ANGPT1: variants seen among roughly 807,000 people sequenced by gnomAD.
ANGPT1 encodes the protein angiopoietin-1.
A neutral mutation model predicts 62.2 loss-of-function variants in ANGPT1; 17 were observed. The observed-to-expected ratio is 0.27, with a 90% CI of 0.19 to 0.41. ANGPT1 has a LOEUF of 0.41. Among genes scored for constraint, ANGPT1 ranks in the 10% least tolerant of loss-of-function variants. The pLI, the probability that ANGPT1 is intolerant of heterozygous loss-of-function variation, is 1.00. For synonymous variants in ANGPT1, 199 were observed against 198.9 expected, an observed-to-expected ratio of 1.00 and a Z score of 0.00; for missense variants, 478 against 594.9, an observed-to-expected ratio of 0.80 and a Z score of 2.04.
intron 1 of ANGPT1, among the ~76,000 whole-genome samples, chr8:107,453,037 C>T (rs1811819194): frequency 6.6e-6 from 1 of 151,976 alleles, no homozygotes; most frequent in South Asian, 2.1e-4. Context: ...AGGTTAAATG[C>T]TTAATGAACT....
intron 3 of ANGPT1, among the ~76,000 whole-genome samples, chr8:107,323,409 T>G (rs1390606436): frequency 6.6e-6 from 1 of 152,160 alleles, no homozygotes; most frequent in African/African-American, 2.4e-5. Flanking sequence ...GAATCATTCC[T>G]TTCAAAAAGG....
chr8:107,314,959 T>C (rs1814979718), intron 4 of ANGPT1, among the ~76,000 whole-genome samples: 1 of 152,174 alleles, frequency 6.6e-6, no homozygotes, highest in African/African-American at 2.4e-5. Flanking sequence ...CAGAATGATA[T>C]AAACTTCATA....
intron 1 of ANGPT1, among the ~76,000 whole-genome samples, chr8:107,360,898 T>C (rs764812408): frequency 2.0e-5 from 3 of 152,226 alleles, no homozygotes; most frequent in Non-Finnish European, 1.5e-5. Flanking sequence ...AAGCCCAGCA[T>C]AAATAAGAAA....
chr8:107,443,646 TAA>T (rs548442338), intron 1 of ANGPT1, among the ~76,000 whole-genome samples: 10 of 135,506 alleles, frequency 7.4e-5, no homozygotes, highest in Admixed American at 1.5e-4. Context: ...CCGTCTCTAC[TAA>T]AAAAAAAAAA....
In ANGPT1 at chr8:107,257,876, G is replaced by GTTTTTTTTTTTT. The variant is rs1371396961; in HGVS notation, c.1337-5862_1337-5861insAAAAAAAAAAAA. 1.3e-3 allele frequency among the ~76,000 whole-genome samples: 109 copies of GTTTTTTTTTTTT among 85,148 alleles called. 11 individuals carry two copies. The highest frequency in any genetic ancestry group is 1.8e-3 in the Non-Finnish European group (76 of 43,056). The allele number at this position is 85,148 out of a possible 152,430, so 55.9% of individuals were successfully genotyped here. ...CTCTTCAGGCCAAGGACTTGTTTTTGTTTCTTTTTTGTTTGTTTGTTTGTT... is the reference window on the plus strand; with the variant it reads ...CTCTTCAGGCCAAGGACTTGTTTTTGTTTTTTTTTTTTTTTCTTTTTTGTTTGTTTGTTTGTT... On this transcript the variant is annotated intron_variant, in intron 8 of 8. Coordinates refer to ENST00000517746, the MANE Select transcript of ANGPT1 (RefSeq NM_001146.5).
chr8:107,289,945 T>G (rs1421327288), intron 6 of ANGPT1, among the ~76,000 whole-genome samples: 1 of 152,118 alleles, frequency 6.6e-6, no homozygotes, highest in African/African-American at 2.4e-5. Flanking sequence ...TCCTTATGAC[T>G]TGAAGGAGCT....
rs569412727 is a variant in ANGPT1, at chr8:107,450,190, G to A, written c.297+47072C>T. 2.0e-5 allele frequency among the ~76,000 whole-genome samples: 3 copies of A among 152,092 alleles called. No homozygotes were observed. The East Asian group carries it at 5.8e-4, about 29-fold the overall frequency. ...GGGACATACGGTATTGTTGGAAAAG[G>A]CTTGAGTTTTTAAAAAGTAATTTTA... On this transcript the variant is annotated intron_variant, in intron 1 of 8. Transcript: ENST00000517746.
intron 1 of ANGPT1, among the ~76,000 whole-genome samples, chr8:107,429,858 G>A (rs760205442): frequency 2.5e-4 from 32 of 127,606 alleles, no homozygotes; most frequent in South Asian, 7.7e-4. Context: ...CACTCTGACA[G>A]AATGATGGTT....
intron 1 of ANGPT1, among the ~76,000 whole-genome samples, chr8:107,485,817 A>G (rs945250262): frequency 1.3e-5 from 2 of 152,234 alleles, no homozygotes; most frequent in African/African-American, 4.8e-5. Flanking sequence ...TGAATGGAAG[A>G]TATTTAGAAT....
chr8:107,410,667 A>G (rs909979526), intron 1 of ANGPT1, among the ~76,000 whole-genome samples: 2 of 152,208 alleles, frequency 1.3e-5, no homozygotes, highest in African/African-American at 4.8e-5. Context: ...ATATAAAAGT[A>G]ACTTTCAGAT....
intron 8 of ANGPT1, among the ~76,000 whole-genome samples, chr8:107,255,018 T>C (rs1813326104): frequency 6.6e-6 from 1 of 151,838 alleles, no homozygotes; most frequent in Admixed American, 6.6e-5. Flanking sequence ...CTAGAATCAA[T>C]TCTGCAAATA....
intron 7 of ANGPT1, among the ~76,000 whole-genome samples, chr8:107,278,698 T>C (rs886622428): frequency 1.3e-5 from 2 of 152,306 alleles, no homozygotes; most frequent in Middle Eastern, 3.4e-3. Flanking sequence ...TTCTACATTG[T>C]GTATTTCTTC....
chr8:107,409,938 A>AATCCATCCATCC (rs5893861), intron 1 of ANGPT1, among the ~76,000 whole-genome samples: 13 of 148,906 alleles, frequency 8.7e-5, no homozygotes, highest in Non-Finnish European at 1.8e-4. Flanking sequence ...ATATGTGATG[A>AATCCATCCATCC]ATCCATCCAT....
chr8:107,271,904 TAAAAA>T (rs35257524), intron 7 of ANGPT1, among the ~76,000 whole-genome samples: 2 of 138,232 alleles, frequency 1.4e-5, no homozygotes, highest in African/African-American at 2.6e-5. Context: ...TTGATACTGG[TAAAAA>T]AAAAAAAAAA....
chr8:107,320,660 T>C (rs1434926360), intron 4 of ANGPT1, among the ~76,000 whole-genome samples: 2 of 152,088 alleles, frequency 1.3e-5, no homozygotes, highest in Non-Finnish European at 2.9e-5. Flanking sequence ...CACACCCAAA[T>C]GGAGCTCTGG....
intron 2 of ANGPT1, among the ~76,000 whole-genome samples, chr8:107,345,578 G>A (rs1467473862): frequency 1.3e-5 from 2 of 152,174 alleles, no homozygotes; most frequent in East Asian, 1.9e-4. Flanking sequence ...ATGCAATTAA[G>A]TAGGATATAT....
chr8:107,422,813 A>T (rs1010338184), intron 1 of ANGPT1, among the ~76,000 whole-genome samples: 5 of 152,194 alleles, frequency 3.3e-5, no homozygotes, highest in African/African-American at 7.2e-5. Flanking sequence ...CCTAAAAATA[A>T]TAATAATAAT....
intron 4 of ANGPT1, among the ~76,000 whole-genome samples, chr8:107,315,330 T>C (rs1251220370): frequency 6.6e-6 from 1 of 152,200 alleles, no homozygotes; most frequent in Non-Finnish European, 1.5e-5. Context: ...CAGTACTTAT[T>C]TTTAAGTTTC....
intron 8 of ANGPT1, among the ~76,000 whole-genome samples, chr8:107,263,076 T>C (rs1393374963): frequency 6.6e-6 from 1 of 151,950 alleles, no homozygotes; most frequent in Non-Finnish European, 1.5e-5. Flanking sequence ...TATAGCCAGG[T>C]GCCATGGTGG....
Sources: allele counts gnomAD v4.1 joint callset (sites outside exome capture counted in the v4.1 genomes callset), GRCh38; gene constraint gnomAD v4.1.1; transcripts MANE v1.5; gene names NCBI Gene and HGNC (gene_info 2026-07-23, HGNC 2026-07-21).